Variants in NALCN observed in about 807,000 individuals in gnomAD.
NALCN encodes the protein sodium leak channel, non-selective.
A neutral mutation model predicts 225.3 loss-of-function variants in NALCN; 111 were observed. That is an observed-to-expected ratio of 0.49 (90% CI 0.42 to 0.58). NALCN has a LOEUF of 0.58. NALCN is among the 20% of genes least tolerant of loss of function. The pLI is 0.00. For missense variants in NALCN, 1,378 were observed against 2,202.4 expected, an observed-to-expected ratio of 0.63 and a Z score of 7.49; for synonymous variants, 764 against 769.0, an observed-to-expected ratio of 0.99 and a Z score of 0.11.
At chr13:101,274,612 T>G (rs1252902398) in intron 10 of NALCN, among the ~76,000 whole-genome samples, 2 of 152,224 alleles carry the variant, frequency 1.3e-5, no homozygotes, top group Admixed American at 6.5e-5. Context: ...TCTAAATTAT[T>G]TCAGAATATG....
intron 11 of NALCN, among the ~76,000 whole-genome samples, chr13:101,238,772 G>T (rs1231968229): frequency 6.6e-6 from 1 of 151,896 alleles, no homozygotes; most frequent in Non-Finnish European, 1.5e-5. Context: ...ATTGAAGATA[G>T]GAATATAGCA....
At chr13:101,115,493 A>AG (rs2035663356) in intron 18 of NALCN, among the ~76,000 whole-genome samples, 1 of 152,218 alleles carries the variant, frequency 6.6e-6, no homozygotes. Flanking sequence ...GAGTAACTAC[A>AG]AAATTTGAGA....
At position 101,225,624 on chromosome 13, in the gene NALCN, G is replaced by C. The variant is rs112488277; in HGVS notation, c.1626+3769C>G. 1.0e-3 allele frequency among the ~76,000 whole-genome samples: 159 copies of C among 152,278 alleles called. 1 individual carries two copies. Among genetic ancestry groups the C allele is most frequent in the Middle Eastern group, 0.01 (3 of 294 alleles). On this transcript the variant is annotated intron_variant, in intron 13 of 43. Coordinates refer to ENST00000251127, the MANE Select transcript of NALCN (RefSeq NM_052867.4). ...CTGGAGCAGTCCTCCAAAATAGACT[G>C]GGATTAGATCTTACAATGGCTGAAA...
At chr13:101,285,411 T>C (rs1326899240) in intron 9 of NALCN, among the ~76,000 whole-genome samples, 1 of 152,056 alleles carries the variant, frequency 6.6e-6, no homozygotes, top group African/African-American at 2.4e-5. Flanking sequence ...GCAATTTTCC[T>C]GTCTCAGCCT....
intron 11 of NALCN, among the ~76,000 whole-genome samples, chr13:101,241,204 T>C (rs1252292439): frequency 1.3e-5 from 2 of 152,220 alleles, no homozygotes; most frequent in African/African-American, 4.8e-5. Flanking sequence ...GCAGTTTGTA[T>C]TTTGCCAGGA....
chr13:101,084,198 T>G (rs1300017357), intron 30 of NALCN, among the ~76,000 whole-genome samples: 1 of 152,224 alleles, frequency 6.6e-6, no homozygotes, highest in South Asian at 2.1e-4. Flanking sequence ...GTTAAGGGTA[T>G]GTTGTCTTTC....
At chr13:101,275,163 C>T (rs896221683) in intron 10 of NALCN, among the ~76,000 whole-genome samples, 11 of 152,140 alleles carry the variant, frequency 7.2e-5, no homozygotes, top group Admixed American at 2.0e-4. Flanking sequence ...TGCACCTTCA[C>T]CTTTGGGTGT....
chr13:101,219,944 T>C (rs568346643), intron 13 of NALCN, among the ~76,000 whole-genome samples: 34 of 152,238 alleles, frequency 2.2e-4, no homozygotes, highest in Non-Finnish European at 4.6e-4. Flanking sequence ...ATAGACATCA[T>C]TACCATTTTA....
intron 17 of NALCN, among the ~76,000 whole-genome samples, chr13:101,138,227 G>A (rs1379054910): frequency 6.6e-6 from 1 of 152,178 alleles, no homozygotes; most frequent in African/African-American, 2.4e-5. Context: ...AATTCCCACA[G>A]CCCAGAGAAT....
intron 12 of NALCN, among the ~76,000 whole-genome samples, chr13:101,230,899 A>C (rs1178505076): frequency 6.6e-6 from 1 of 152,330 alleles, no homozygotes; most frequent in Middle Eastern, 3.4e-3. Flanking sequence ...TTTTGAGTCA[A>C]GTATGGGCCA....
At chr13:101,067,416 A>G (rs2032514557) in intron 39 of NALCN, among the ~76,000 whole-genome samples, 1 of 152,126 alleles carries the variant, frequency 6.6e-6, no homozygotes, top group African/African-American at 2.4e-5. Context: ...GAGGAAGAGC[A>G]GACTGCAGCT....
chr13:101,405,526 G>A (rs969479257), intron 1 of NALCN, among the ~76,000 whole-genome samples: 2 of 151,876 alleles, frequency 1.3e-5, no homozygotes, highest in African/African-American at 4.8e-5. Context: ...TGTGCATCTT[G>A]AGTGTATGAA....
chr13:101,292,276 C>T lies in NALCN; in HGVS notation c.890G>A (p.Arg297His), dbSNP rs748995534. 1.9e-6 allele frequency: 3 copies of T among 1,614,112 alleles called. No homozygotes were observed. Among genetic ancestry groups the T allele is most frequent in the South Asian group, 2.2e-5 (2 of 91,080 alleles). The change falls in exon 8 of 44, where the codon CGT becomes CAT. Residue 297 changes from arginine to histidine, a missense_variant. Transcript: ENST00000251127. This position sits in a 1 kb window ranked among gnomAD's most constrained non-coding sequence, Gnocchi z 4.3. ...YRAIDSFPRWRSYFYFITLIF... is the reference protein window; with the variant it reads ...YRAIDSFPRWHSYFYFITLIF... The stretch of plus-strand genomic sequence containing the variant: ...GAGAGTGATGAAATAGAAGTAGGAA[C>T]GCCAACGGGGAAAGCTGTCAATTGC...
At chr13:101,196,329 T>C (rs190095100) in intron 13 of NALCN, among the ~76,000 whole-genome samples, 86 of 152,306 alleles carry the variant, frequency 5.6e-4, no homozygotes, top group African/African-American at 2.1e-3. Flanking sequence ...CTTCTTACTA[T>C]CCTGCAGATG....
chr13:101,210,668 C>T (rs2040490574), intron 13 of NALCN, among the ~76,000 whole-genome samples: 1 of 152,142 alleles, frequency 6.6e-6, no homozygotes, highest in Non-Finnish European at 1.5e-5. Context: ...ATTAATTCTC[C>T]AGTCATTTAC....
intron 7 of NALCN, among the ~76,000 whole-genome samples, chr13:101,327,503 A>G (rs1458597044): frequency 6.6e-6 from 1 of 152,134 alleles, no homozygotes; most frequent in Non-Finnish European, 1.5e-5. Flanking sequence ...GATTCAGTGA[A>G]TTTTATGTCT....
At position 101,055,399 on chromosome 13, in the gene NALCN, G is replaced by T; in HGVS notation, c.5113C>A (p.Pro1705Thr). The T allele has an allele frequency of 6.2e-7, 1 of 1,614,104 alleles. No individual in the cohort carries two copies. The highest frequency in any genetic ancestry group is 8.5e-7 in the Non-Finnish European group (1 of 1,180,004). ...CCGCAGGAAGCCGCGTCAGTCATGG[G>T]GTTCATTTTGCACACGACAGATTTC... ...TMKSVVCKMN[P>T]MTDAASCGSE... The change falls in exon 44 of 44, where the codon CCC becomes ACC. Residue 1705 changes from proline to threonine, a missense_variant. Pro to Thr is a conservative substitution (Grantham distance 38). Transcript: ENST00000251127.
chr13:101,190,352 C>G (rs1369897544), intron 14 of NALCN, among the ~76,000 whole-genome samples: 1 of 152,110 alleles, frequency 6.6e-6, no homozygotes, highest in Non-Finnish European at 1.5e-5. Flanking sequence ...ACACAAGTAG[C>G]TTAATAAACT....
chr13:101,154,826 G>A (rs985685076), intron 15 of NALCN, among the ~76,000 whole-genome samples: 4 of 152,146 alleles, frequency 2.6e-5, no homozygotes, highest in African/African-American at 9.7e-5. Flanking sequence ...CAAGTCTGCC[G>A]ATTTCAGATG....
Sources: allele counts gnomAD v4.1 joint callset (sites outside exome capture counted in the v4.1 genomes callset), GRCh38; gene constraint gnomAD v4.1.1; non-coding constraint Gnocchi (gnomAD v3.1); transcripts MANE v1.5; gene names NCBI Gene and HGNC (gene_info 2026-07-23, HGNC 2026-07-21).